Variants in SHISA9 observed in about 807,000 individuals in gnomAD.
SHISA9 encodes shisa family member 9.
In SHISA9, 13 loss-of-function variants were observed where a neutral mutation model predicts 38.0. The ratio of observed to expected loss-of-function variants is 0.34; its 90% CI spans 0.22 to 0.54. SHISA9 has a LOEUF of 0.54. Among genes scored for constraint, SHISA9 ranks in the 20% least tolerant of loss-of-function variants. The probability of loss-of-function intolerance (pLI) is 0.91; values close to 1 mark genes in which losing one functional copy is unlikely to be tolerated. For missense variants in SHISA9, 538 were observed against 575.8 expected, an observed-to-expected ratio of 0.93 and a Z score of 0.67; for synonymous variants, 275 against 242.0, an observed-to-expected ratio of 1.14 and a Z score of -1.27.
intron 2 of SHISA9, among the ~76,000 whole-genome samples, chr16:13,048,068 A>G (rs2073207573): frequency 6.6e-6 from 1 of 152,176 alleles, no homozygotes; most frequent in South Asian, 2.1e-4. Context: ...TCTGAAGGAT[A>G]TTATTCTGGG....
At chr16:13,119,539 C>T (rs1016016228) in intron 2 of SHISA9, among the ~76,000 whole-genome samples, 1 of 152,048 alleles carries the variant, frequency 6.6e-6, no homozygotes, top group Non-Finnish European at 1.5e-5. Context: ...AATAAACCAT[C>T]CAATAACTAC....
the SHISA9 span, among the ~76,000 whole-genome samples, chr16:13,300,855 CCTCTCCTCT>C: frequency 3.0e-5 from 1 of 33,564 alleles, no homozygotes; most frequent in Non-Finnish European, 6.1e-5. Context: ...TCTCTCCTCT[CCTCTCCTCT>C]CCTCTCCTCT....
the SHISA9 span, among the ~76,000 whole-genome samples, chr16:13,303,462 C>T: frequency 7.2e-5 from 11 of 152,050 alleles, no homozygotes; most frequent in African/African-American, 1.7e-4. Context: ...AAACACTATA[C>T]GAAAATATTA....
At chr16:13,541,337 A>G in the SHISA9 span, among the ~76,000 whole-genome samples, 1 of 152,218 alleles carries the variant, frequency 6.6e-6, no homozygotes, top group Non-Finnish European at 1.5e-5. Context: ...AACCCAGCCT[A>G]AAGAATTTTA....
At position 13,235,843 on chromosome 16, in the gene SHISA9, G is replaced by C. The variant is rs1248562468; in HGVS notation, c.*434G>C. On this transcript the variant is annotated 3_prime_UTR_variant, in exon 5 of 5. Coordinates refer to ENST00000558583, the MANE Select transcript of SHISA9 (RefSeq NM_001145204.3). ...CCACGTGCTGTCTGTTTCTAGGTTC[G>C]AAAGCCAGGGTGGAAATGGGGGTAG... The C allele has an allele frequency of 6.2e-6, 1 of 160,880 alleles. No individual in the cohort carries two copies. The highest frequency in any genetic ancestry group is 1.4e-5 in the Non-Finnish European group (1 of 74,004). 10.0% of individuals were successfully genotyped at this position (160,880 alleles called of 1,614,324 possible).
intron 2 of SHISA9, among the ~76,000 whole-genome samples, chr16:13,019,253 GC>G (rs938444565): frequency 5.9e-5 from 9 of 152,064 alleles, no homozygotes; most frequent in African/African-American, 1.9e-4. Flanking sequence ...ACCTGCCTCG[GC>G]CTCCCAAAGT....
At chr16:13,521,313 C>G in the SHISA9 span, among the ~76,000 whole-genome samples, 1 of 152,240 alleles carries the variant, frequency 6.6e-6, no homozygotes, top group Non-Finnish European at 1.5e-5. Context: ...GACATCATCT[C>G]TTCCCTGAAA....
the SHISA9 span, among the ~76,000 whole-genome samples, chr16:13,511,842 T>A: frequency 1.3e-5 from 2 of 152,286 alleles, no homozygotes; most frequent in African/African-American, 4.8e-5. Flanking sequence ...AGTCCTAGAC[T>A]GAATACTGAC....
chr16:13,050,889 A>G (rs1029757019), intron 2 of SHISA9, among the ~76,000 whole-genome samples: 2 of 152,220 alleles, frequency 1.3e-5, no homozygotes, highest in African/African-American at 4.8e-5. Flanking sequence ...ATATTCTGCC[A>G]TGTTGCTGTC....
At chr16:12,934,024 G>A (rs1291101868) in intron 2 of SHISA9, among the ~76,000 whole-genome samples, 1 of 152,072 alleles carries the variant, frequency 6.6e-6, no homozygotes, top group Non-Finnish European at 1.5e-5. Context: ...GTGAAGAGTG[G>A]GGGGAAAGGG....
At chr16:13,444,258 C>G in the SHISA9 span, among the ~76,000 whole-genome samples, 1 of 152,090 alleles carries the variant, frequency 6.6e-6, no homozygotes, top group African/African-American at 2.4e-5. Flanking sequence ...ATAGTCCCAG[C>G]TACTCAGGAT....
the SHISA9 span, among the ~76,000 whole-genome samples, chr16:13,339,213 G>GT: frequency 6.7e-6 from 1 of 148,548 alleles, no homozygotes; most frequent in Non-Finnish European, 1.5e-5. Context: ...GTCTGTATGG[G>GT]TGTCACCAAG....
At chr16:13,366,519 C>G in the SHISA9 span, among the ~76,000 whole-genome samples, 2 of 152,062 alleles carry the variant, frequency 1.3e-5, no homozygotes, top group Non-Finnish European at 2.9e-5. Flanking sequence ...CAATGCTGCC[C>G]ATACCTAGAC....
chr16:12,932,714 T>C (rs1235218012), intron 2 of SHISA9, among the ~76,000 whole-genome samples: 4 of 152,300 alleles, frequency 2.6e-5, no homozygotes, highest in East Asian at 1.9e-4. Context: ...AGGGTTATAA[T>C]ACAGTTTGGT....
intron 2 of SHISA9, among the ~76,000 whole-genome samples, chr16:13,102,351 C>T (rs758282488): frequency 6.6e-6 from 1 of 152,178 alleles, no homozygotes; most frequent in Non-Finnish European, 1.5e-5. Flanking sequence ...TATAGGGCTG[C>T]TATTCTGGTA....
the SHISA9 span, among the ~76,000 whole-genome samples, chr16:13,384,353 C>T: frequency 6.6e-6 from 1 of 152,196 alleles, no homozygotes; most frequent in African/African-American, 2.4e-5. Flanking sequence ...CATTTTGCAT[C>T]TTATAAAATA....
At chr16:12,951,519 A>C (rs2071757055) in intron 2 of SHISA9, among the ~76,000 whole-genome samples, 1 of 152,118 alleles carries the variant, frequency 6.6e-6, no homozygotes, top group Admixed American at 6.5e-5. Flanking sequence ...ATTTGCAAAA[A>C]CAGGTGTTGG....
Position 13,149,375 on chromosome 16 carries a change from C to G in SHISA9, c.692-54019C>G, listed in dbSNP as rs1341108662. Among the ~76,000 whole-genome samples, 3 of 152,234 alleles carry G rather than the reference C, an allele frequency of 2.0e-5. No individual in the cohort carries two copies. In the East Asian group the frequency reaches 5.8e-4, roughly 29 times the overall value. On this transcript the variant is annotated intron_variant, in intron 2 of 4. Transcript: ENST00000558583. The stretch of plus-strand genomic sequence containing the variant: ...GTTCAATGCCTTGGGTTTTGTGGTT[C>G]ATGCTCACTGGGCACAGGGTCACAG...
At chr16:13,493,590 T>C in the SHISA9 span, among the ~76,000 whole-genome samples, 1 of 152,186 alleles carries the variant, frequency 6.6e-6, no homozygotes, top group African/African-American at 2.4e-5. Context: ...AATACTGTGT[T>C]TCTTACTACT....
Sources: gnomAD v4.1 joint callset for allele counts (sites outside exome capture counted in the v4.1 genomes callset) on GRCh38, gnomAD v4.1.1 for gene constraint, MANE v1.5 for transcripts, NCBI Gene and HGNC (gene_info 2026-07-23, HGNC 2026-07-21) for gene names.